Variants in DCDC2 observed in about 807,000 individuals in gnomAD.
DCDC2 encodes the protein doublecortin domain containing 2, also known as doublecortin domain-containing protein 2.
Under a neutral mutation model 50.2 loss-of-function variants are expected in DCDC2, and 40 were observed. That is an observed-to-expected ratio of 0.80 (90% confidence interval 0.62 to 1.04). DCDC2 has a LOEUF of 1.04. Ranked by LOEUF, DCDC2 falls within the 50% of genes least tolerant of loss-of-function variation. The pLI is 0.00. For missense variants in DCDC2, 570 were observed against 581.9 expected, an observed-to-expected ratio of 0.98 and a Z score of 0.21; for synonymous variants, 234 against 210.6, an observed-to-expected ratio of 1.11 and a Z score of -0.96.
chr6:24,185,714 C>A (rs1215839174), intron 8 of DCDC2, among the ~76,000 whole-genome samples: 1 of 140,676 alleles, frequency 7.1e-6, no homozygotes, highest in Non-Finnish European at 1.6e-5. Context: ...CACACACACA[C>A]ACACACACAC....
the DCDC2 span, among the ~76,000 whole-genome samples, chr6:24,375,861 G>A: frequency 6.6e-6 from 1 of 152,130 alleles, no homozygotes; most frequent in Non-Finnish European, 1.5e-5. Flanking sequence ...GAGGAAGAAG[G>A]AAGGGAGGCA....
chr6:24,198,889 C>A (rs898978845), intron 8 of DCDC2, among the ~76,000 whole-genome samples: 2 of 152,194 alleles, frequency 1.3e-5, no homozygotes, highest in African/African-American at 4.8e-5. Context: ...AACGAAGCCA[C>A]GGGGAGCTTC....
chr6:24,275,356 G>C (rs1007958545), intron 7 of DCDC2, among the ~76,000 whole-genome samples: 4 of 152,158 alleles, frequency 2.6e-5, no homozygotes, highest in Middle Eastern at 3.2e-3. Context: ...ATGGACTTAA[G>C]CTAATATGCT....
At chr6:24,291,620 G>C (rs1763752957) in intron 4 of DCDC2, among the ~76,000 whole-genome samples, 1 of 150,234 alleles carries the variant, frequency 6.7e-6, no homozygotes, top group South Asian at 2.1e-4. Context: ...CAAGTAGCTG[G>C]GACTACAGGC....
intron 2 of DCDC2, among the ~76,000 whole-genome samples, chr6:24,310,044 T>C (rs902211831): frequency 2.6e-5 from 4 of 152,194 alleles, no homozygotes; most frequent in Non-Finnish European, 5.9e-5. Context: ...ACCAGATAAA[T>C]ATTAATCAAG....
intron 8 of DCDC2, among the ~76,000 whole-genome samples, chr6:24,178,951 A>C (rs531986509): frequency 6.6e-6 from 1 of 152,230 alleles, no homozygotes; most frequent in Admixed American, 6.5e-5. Context: ...TGACTCCAGA[A>C]CCAGTGCTTG....
the DCDC2 span, among the ~76,000 whole-genome samples, chr6:24,367,930 G>T: frequency 1.3e-5 from 2 of 151,814 alleles, no homozygotes; most frequent in African/African-American, 4.8e-5. Flanking sequence ...GAAAGTATAA[G>T]AACAAAAGAC....
intron 7 of DCDC2, among the ~76,000 whole-genome samples, chr6:24,258,636 C>A (rs1256982268): frequency 1.3e-5 from 2 of 152,300 alleles, no homozygotes; most frequent in East Asian, 3.9e-4. Flanking sequence ...CCTCAGAGAG[C>A]CAATCCTTCA....
At chr6:24,273,274 G>A (rs969954814) in intron 7 of DCDC2, among the ~76,000 whole-genome samples, 6 of 152,202 alleles carry the variant, frequency 3.9e-5, no homozygotes, top group South Asian at 2.1e-4. Context: ...CTGGAGACTC[G>A]GAAAGGCGGA....
At chr6:24,381,860 A>AAGGAAGGAAGGAAGGG in the DCDC2 span, among the ~76,000 whole-genome samples, 8 of 140,558 alleles carry the variant, frequency 5.7e-5, no homozygotes, top group South Asian at 7.1e-4. Flanking sequence ...GGAAGGAAGG[A>AAGGAAGGAAGGAAGGG]GAAATAAAAG....
At chr6:24,344,351 T>A (rs1433698482) in intron 2 of DCDC2, among the ~76,000 whole-genome samples, 3 of 152,246 alleles carry the variant, frequency 2.0e-5, no homozygotes, top group African/African-American at 7.2e-5. Context: ...TTTTATTACT[T>A]TTCCTATTTT....
chr6:24,345,566 T>C (rs964946649), intron 2 of DCDC2, among the ~76,000 whole-genome samples: 3 of 152,120 alleles, frequency 2.0e-5, no homozygotes, highest in Non-Finnish European at 4.4e-5. Flanking sequence ...CCTATCTCAA[T>C]GTATTCAAGA....
At chr6:24,191,504 AC>A (rs1207235503) in intron 8 of DCDC2, among the ~76,000 whole-genome samples, 8 of 152,224 alleles carry the variant, frequency 5.3e-5, no homozygotes, top group Admixed American at 6.5e-5. Flanking sequence ...ATAATTGAAA[AC>A]AGATGATAGG....
chr6:24,256,094 G>T (rs1318609777), intron 7 of DCDC2, among the ~76,000 whole-genome samples: 1 of 152,072 alleles, frequency 6.6e-6, no homozygotes, highest in Non-Finnish European at 1.5e-5. Flanking sequence ...CAAAATAGAA[G>T]AATAACTTCC....
chr6:24,285,640 C>T (rs865857759), intron 6 of DCDC2, among the ~76,000 whole-genome samples: 21 of 152,252 alleles, frequency 1.4e-4, no homozygotes, highest in Middle Eastern at 3.4e-3. Flanking sequence ...ACAGCACAGT[C>T]TAAAAAACTT....
At chr6:24,324,948 T>C (rs1220769387) in intron 2 of DCDC2, among the ~76,000 whole-genome samples, 1 of 151,540 alleles carries the variant, frequency 6.6e-6, no homozygotes, top group African/African-American at 2.4e-5. Context: ...TATGACACTT[T>C]GGCATCTCAA....
intron 7 of DCDC2, among the ~76,000 whole-genome samples, chr6:24,210,037 T>C (rs1460754903): frequency 1.4e-5 from 2 of 145,038 alleles, no homozygotes; most frequent in African/African-American, 2.8e-5. Context: ...TGTGTGTGTG[T>C]GTGTGTGTGT....
intron 7 of DCDC2, among the ~76,000 whole-genome samples, chr6:24,223,198 C>G (rs2113777060): frequency 6.6e-6 from 1 of 152,300 alleles, no homozygotes; most frequent in South Asian, 2.1e-4. Context: ...GAATACAATT[C>G]TAAGAATATT....
intron 2 of DCDC2, among the ~76,000 whole-genome samples, chr6:24,326,152 G>C (rs1759854294): frequency 7.5e-6 from 1 of 133,914 alleles, no homozygotes; most frequent in Non-Finnish European, 1.6e-5. Context: ...AGAGAGGAAG[G>C]AAAGAGAGGA....
Sources: allele counts gnomAD v4.1 joint callset (sites outside exome capture counted in the v4.1 genomes callset), GRCh38; gene constraint gnomAD v4.1.1; transcripts MANE v1.5; gene names NCBI Gene and HGNC (gene_info 2026-07-23, HGNC 2026-07-21).